Variants in PLGRKT observed in about 807,000 individuals in gnomAD.
PLGRKT encodes plasminogen receptor (KT).
Under a neutral mutation model 18.5 loss-of-function variants are expected in PLGRKT, and 22 were observed. That is an observed-to-expected ratio of 1.19 (90% CI 0.85 to 1.70). The LOEUF (loss-of-function observed/expected upper bound fraction) is 1.70, where lower values mean the gene tolerates loss of function less well. PLGRKT is among the 40% of genes most tolerant of loss of function. The probability of loss-of-function intolerance (pLI) is 0.00; values close to 1 mark genes in which losing one functional copy is unlikely to be tolerated. For synonymous variants in PLGRKT, 72 were observed against 52.8 expected, an observed-to-expected ratio of 1.36 and a Z score of -1.58; for missense variants, 235 against 174.4, an observed-to-expected ratio of 1.35 and a Z score of -1.96.
At chr9:5,404,740 C>T (rs544333131) in intron 3 of PLGRKT, among the ~76,000 whole-genome samples, 1 of 152,312 alleles carries the variant, frequency 6.6e-6, no homozygotes, top group South Asian at 2.1e-4. Context: ...CCCTCTCTCA[C>T]CACTCCTATT....
intron 3 of PLGRKT, among the ~76,000 whole-genome samples, chr9:5,372,151 T>C (rs945968368): frequency 7.2e-5 from 11 of 151,838 alleles, no homozygotes; most frequent in Admixed American, 2.0e-4. Context: ...CCAGCTAATT[T>C]TTGTATTTTT....
intron 3 of PLGRKT, among the ~76,000 whole-genome samples, chr9:5,426,163 C>T (rs1303146124): frequency 6.6e-6 from 1 of 152,196 alleles, no homozygotes; most frequent in Non-Finnish European, 1.5e-5. Context: ...AATTCCAGCC[C>T]AGCCTTAGCT....
intron 3 of PLGRKT, among the ~76,000 whole-genome samples, chr9:5,381,226 C>T (rs1020276484): frequency 6.6e-6 from 1 of 152,214 alleles, no homozygotes; most frequent in Non-Finnish European, 1.5e-5. Context: ...GTCTCCAGGG[C>T]ATTTCAGAGC....
At chr9:5,411,170 G>A (rs910182200) in intron 3 of PLGRKT, among the ~76,000 whole-genome samples, 9 of 151,998 alleles carry the variant, frequency 5.9e-5, no homozygotes, top group African/African-American at 2.2e-4. Context: ...GACCACCTGA[G>A]GTCGGGAGTT....
At chr9:5,417,312 C>G (rs1163914692) in intron 3 of PLGRKT, among the ~76,000 whole-genome samples, 1 of 152,142 alleles carries the variant, frequency 6.6e-6, no homozygotes, top group Non-Finnish European at 1.5e-5. Flanking sequence ...CATACCAAGA[C>G]AGCTGGATAT....
chr9:5,432,903 C>T (rs923174189), intron 2 of PLGRKT, among the ~76,000 whole-genome samples: 1 of 152,014 alleles, frequency 6.6e-6, no homozygotes, highest in African/African-American at 2.4e-5. Context: ...ATTACAGCCT[C>T]TGCCCGCCCG....
At chr9:5,435,954 G>C (rs1466293659) in intron 2 of PLGRKT, among the ~76,000 whole-genome samples, 5 of 152,244 alleles carry the variant, frequency 3.3e-5, no homozygotes, top group Non-Finnish European at 7.3e-5. Flanking sequence ...TACACCTGGA[G>C]TTTCAGGGCT....
intron 3 of PLGRKT, among the ~76,000 whole-genome samples, chr9:5,364,800 G>A (rs1817347183): frequency 6.6e-6 from 1 of 152,152 alleles, no homozygotes; most frequent in Non-Finnish European, 1.5e-5. Flanking sequence ...AGAAGATGGT[G>A]GAAGCCAGGT....
At chr9:5,410,339 C>T (rs1247651888) in intron 3 of PLGRKT, among the ~76,000 whole-genome samples, 1 of 151,830 alleles carries the variant, frequency 6.6e-6, no homozygotes, top group Admixed American at 6.6e-5. Flanking sequence ...AGTTTAAGAC[C>T]AGCCTAGGCA....
At chr9:5,382,411 G>A (rs1817764466) in intron 3 of PLGRKT, among the ~76,000 whole-genome samples, 1 of 152,178 alleles carries the variant, frequency 6.6e-6, no homozygotes, top group South Asian at 2.1e-4. Context: ...ATAGGAGTTA[G>A]CCAGGTGAGG....
chr9:5,382,037 A>G, intron 3 of PLGRKT: 1 of 984,500 alleles, frequency 1.0e-6, no homozygotes, highest in African/African-American at 1.7e-5. Flanking sequence ...GCACCCTGAA[A>G]AAAAAGTCAT....
intron 3 of PLGRKT, among the ~76,000 whole-genome samples, chr9:5,427,642 G>C (rs1211394171): frequency 6.6e-6 from 1 of 152,210 alleles, no homozygotes; most frequent in Non-Finnish European, 1.5e-5. Flanking sequence ...ACAATCCATG[G>C]TTTCAGGTAT....
intron 3 of PLGRKT, among the ~76,000 whole-genome samples, chr9:5,420,945 T>A (rs752399892): frequency 6.6e-6 from 1 of 152,262 alleles, no homozygotes; most frequent in East Asian, 1.9e-4. Context: ...GTGCTCATAA[T>A]AGTTATTTGC....
chr9:5,371,517 C>G (rs1324119431), intron 3 of PLGRKT, among the ~76,000 whole-genome samples: 1 of 152,206 alleles, frequency 6.6e-6, no homozygotes, highest in Non-Finnish European at 1.5e-5. Flanking sequence ...TCTCTTGCCA[C>G]CGCCAGGAAA....
chr9:5,396,676 A>G (rs1818055773), intron 3 of PLGRKT, among the ~76,000 whole-genome samples: 1 of 152,012 alleles, frequency 6.6e-6, no homozygotes, highest in African/African-American at 2.4e-5. Context: ...TTATATCCAG[A>G]AGGCATTTAA....
At chr9:5,438,159 A>G (rs1818999352), upstream of PLGRKT, among the ~76,000 whole-genome samples, 1 of 152,216 alleles carries the variant, frequency 6.6e-6, no homozygotes, top group African/African-American at 2.4e-5. Flanking sequence ...GGCACTATTA[A>G]AAAGTCATAA....
chr9:5,389,892 C>A (rs1392664716), intron 3 of PLGRKT, among the ~76,000 whole-genome samples: 1 of 151,826 alleles, frequency 6.6e-6, no homozygotes, highest in African/African-American at 2.4e-5. Flanking sequence ...CCAGAAAGCA[C>A]ATCAGGAAAC....
chr9:5,365,758 C>T (rs954990182), intron 3 of PLGRKT, among the ~76,000 whole-genome samples: 1 of 152,144 alleles, frequency 6.6e-6, no homozygotes, highest in Admixed American at 6.5e-5. Context: ...CAGCAGGGCA[C>T]AAAGAATGTA....
chr9:5,385,012 C>G (rs1386860670), intron 3 of PLGRKT, among the ~76,000 whole-genome samples: 1 of 152,104 alleles, frequency 6.6e-6, no homozygotes, highest in Non-Finnish European at 1.5e-5. Context: ...GAAATGAAGT[C>G]ACCAAGGTGA....
Sources: gnomAD v4.1 joint callset for allele counts (sites outside exome capture counted in the v4.1 genomes callset) on GRCh38, gnomAD v4.1.1 for gene constraint, MANE v1.5 for transcripts, NCBI Gene and HGNC (gene_info 2026-07-23, HGNC 2026-07-21) for gene names.